Variants in LAMA2 observed in about 807,000 individuals in gnomAD.
LAMA2 encodes laminin subunit alpha-2.
In LAMA2, 269 loss-of-function variants were observed where a neutral mutation model predicts 364.8. The observed-to-expected ratio is 0.74, with a 90% CI of 0.67 to 0.82. The LOEUF (loss-of-function observed/expected upper bound fraction) is 0.82, where lower values mean the gene tolerates loss of function less well. Among genes scored for constraint, LAMA2 ranks in the 40% least tolerant of loss-of-function variants. LAMA2 has a pLI of 0.00. For synonymous variants in LAMA2, 1,379 were observed against 1,370.6 expected, an observed-to-expected ratio of 1.01 and a Z score of -0.14; for missense variants, 3,807 against 3,873.2, an observed-to-expected ratio of 0.98 and a Z score of 0.45.
At chr6:129,392,960 C>G in intron 36 of LAMA2, 85 bp from the exon 37 acceptor site, 1 of 1,028,200 alleles carries the variant, frequency 9.7e-7, no homozygotes, top group Non-Finnish European at 1.5e-6. Context: ...ATGTTAGCAT[C>G]TCTTTGTAAC....
intron 22 of LAMA2, among the ~76,000 whole-genome samples, chr6:129,305,589 G>A (rs1179695991): frequency 2.0e-5 from 3 of 152,076 alleles, no homozygotes; most frequent in Non-Finnish European, 4.4e-5. Context: ...GGGATTACAG[G>A]TGTATACCAC....
intron 64 of LAMA2, among the ~76,000 whole-genome samples, chr6:129,515,856 G>T (rs1488702211): frequency 6.6e-6 from 1 of 152,144 alleles, no homozygotes; most frequent in Non-Finnish European, 1.5e-5. Flanking sequence ...TTTGGGCATA[G>T]ATGGGGAGAT....
intron 30 of LAMA2, among the ~76,000 whole-genome samples, chr6:129,345,008 G>T (rs2501458): frequency 6.6e-6 from 1 of 152,184 alleles, no homozygotes; most frequent in East Asian, 1.9e-4. Context: ...GTTGCAAGGG[G>T]TCAGAAGGCA....
intron 1 of LAMA2, among the ~76,000 whole-genome samples, chr6:128,895,107 A>G (rs1474977409): frequency 2.0e-5 from 3 of 152,180 alleles, no homozygotes; most frequent in Admixed American, 2.0e-4. Context: ...TTTTTACCTC[A>G]GGTCTAGTCT....
intron 49 of LAMA2, among the ~76,000 whole-genome samples, chr6:129,460,974 A>G (rs536854667): frequency 6.6e-6 from 1 of 152,096 alleles, no homozygotes; most frequent in South Asian, 2.1e-4. Flanking sequence ...ATTTGAAAAT[A>G]TTTAACATCC....
chr6:129,373,705 G>C (rs1185975818), intron 34 of LAMA2, among the ~76,000 whole-genome samples: 2 of 152,210 alleles, frequency 1.3e-5, no homozygotes, highest in South Asian at 2.1e-4. Flanking sequence ...GTTTGGACAG[G>C]TTCATGTGTT....
chr6:129,327,292 C>G (rs1372576864), intron 28 of LAMA2, among the ~76,000 whole-genome samples: 1 of 152,020 alleles, frequency 6.6e-6, no homozygotes, highest in African/African-American at 2.4e-5. Flanking sequence ...TCTGGACTGT[C>G]TAGGCCAGAA....
intron 16 of LAMA2, among the ~76,000 whole-genome samples, chr6:129,270,211 T>C (rs1166403266): frequency 6.6e-6 from 1 of 151,556 alleles, no homozygotes; most frequent in South Asian, 2.1e-4. Flanking sequence ...CAATTGATTT[T>C]TACCTAGAAT....
At chr6:128,984,995 G>A (rs575684361) in intron 1 of LAMA2, among the ~76,000 whole-genome samples, 5 of 152,188 alleles carry the variant, frequency 3.3e-5, no homozygotes, top group South Asian at 2.1e-4. Context: ...TCTAAGATAC[G>A]TTATTTTTAT....
rs753708601 is a variant in LAMA2, at chr6:129,460,279, G to A, written c.6947G>A (p.Trp2316Ter). 1 of 1,611,512 alleles carries A rather than the reference G, an allele frequency of 6.2e-7. No individual in the cohort carries two copies. The highest frequency in any genetic ancestry group is 8.5e-7 in the Non-Finnish European group (1 of 1,178,074). ...TYFDNKPIGL[W>*]NFREKEGDCK... The stretch of plus-strand genomic sequence containing the variant: ...TTTGACAACAAACCTATAGGTTTGT[G>A]GAATTTCCGAGAAAAAGAAGGTGAC... The change falls in exon 49 of 65, where the codon TGG (tryptophan) becomes TAG (stop). Residue 2316 changes from tryptophan (W) to a stop codon, truncating the protein, a stop_gained. Transcript: ENST00000421865. LOFTEE classifies it high-confidence loss of function.
At chr6:129,059,685 T>C in intron 2 of LAMA2, 99 bp from the exon 3 acceptor site, 3 of 729,416 alleles carry the variant, frequency 4.1e-6, no homozygotes, top group Admixed American at 4.0e-5. Flanking sequence ...ATTCACATGA[T>C]GGTTGTTTTA....
chr6:129,137,309 A>G (rs1195584247), intron 4 of LAMA2, among the ~76,000 whole-genome samples: 4 of 151,972 alleles, frequency 2.6e-5, no homozygotes, highest in Admixed American at 1.3e-4. Context: ...AGTGCCCTAC[A>G]TGCTGCATGA....
chr6:129,410,020 C>T lies in LAMA2; in HGVS notation c.5865+6061C>T, dbSNP rs531089417. Among the ~76,000 whole-genome samples, 3 of 152,272 alleles carry T rather than the reference C, an allele frequency of 2.0e-5. No homozygotes were observed. The South Asian group carries it at 6.2e-4, about 32-fold the overall frequency. On this transcript the variant is annotated intron_variant, in intron 40 of 64. Transcript: ENST00000421865. ...GAGGCAATAAGCACACTCTCAGTGA[C>T]ACGAGGATATGAGGCCCTCCTCTGC...
chr6:129,111,812 A>C (rs1232184878), intron 4 of LAMA2, among the ~76,000 whole-genome samples: 1 of 151,974 alleles, frequency 6.6e-6, no homozygotes, highest in East Asian at 1.9e-4. Flanking sequence ...ATTTGTTTTT[A>C]AATTTTGTAG....
At chr6:129,436,231 A>G (rs1366844348) in intron 41 of LAMA2, among the ~76,000 whole-genome samples, 1 of 152,100 alleles carries the variant, frequency 6.6e-6, no homozygotes, top group Non-Finnish European at 1.5e-5. Context: ...ATTCATTCCC[A>G]GTTTCTACCC....
chr6:129,339,087 A>G (rs1352149572), intron 29 of LAMA2, among the ~76,000 whole-genome samples: 1 of 122,010 alleles, frequency 8.2e-6, no homozygotes, highest in Non-Finnish European at 1.9e-5. Context: ...TCATGGTTTG[A>G]TATGTTCATA....
At chr6:128,944,532 C>T (rs192501659) in intron 1 of LAMA2, among the ~76,000 whole-genome samples, 274 of 152,058 alleles carry the variant, frequency 1.8e-3, no homozygotes, top group African/African-American at 6.3e-3. Context: ...CAGTGGCTCA[C>T]GCCTGTAATC....
intron 1 of LAMA2, among the ~76,000 whole-genome samples, chr6:128,928,558 G>C (rs1206869444): frequency 6.6e-6 from 1 of 152,216 alleles, no homozygotes; most frequent in Admixed American, 6.5e-5. Flanking sequence ...GCCGTTCAAG[G>C]AGAGGGAAGG....
intron 12 of LAMA2, among the ~76,000 whole-genome samples, chr6:129,219,591 T>C (rs1488657627): frequency 6.8e-6 from 1 of 148,028 alleles, no homozygotes; most frequent in Non-Finnish European, 1.5e-5. Flanking sequence ...TGTCCAACAA[T>C]GATAGACTGG....
Sources: allele counts gnomAD v4.1 joint callset (sites outside exome capture counted in the v4.1 genomes callset), GRCh38; gene constraint gnomAD v4.1.1; transcripts MANE v1.5; gene names NCBI Gene and HGNC (gene_info 2026-07-23, HGNC 2026-07-21).